Variants in CELF2 observed in about 807,000 individuals in gnomAD.
CELF2 encodes CUG triplet repeat RNA-binding protein 2.
A neutral mutation model predicts 62.6 loss-of-function variants in CELF2; 8 were observed. The observed-to-expected ratio is 0.13, with a 90% CI of 0.07 to 0.23. The LOEUF is 0.23. CELF2 is among the 10% of genes least tolerant of loss of function. CELF2 has a pLI of 1.00. For missense variants in CELF2, 333 were observed against 671.0 expected (o/e 0.50, Z 5.56); for synonymous variants, 258 against 250.0 (o/e 1.03, Z -0.30).
intron 1 of CELF2, among the ~76,000 whole-genome samples, chr10:10,895,245 T>G (rs2062457126): frequency 6.6e-6 from 1 of 152,224 alleles, no homozygotes; most frequent in Admixed American, 6.5e-5. Flanking sequence ...AAGTAAGAAA[T>G]ATTCACCATC....
At chr10:11,228,099 G>A (rs1419324142) in intron 3 of CELF2, among the ~76,000 whole-genome samples, 1 of 152,154 alleles carries the variant, frequency 6.6e-6, no homozygotes, top group East Asian at 1.9e-4. Context: ...TATATGCTTA[G>A]TAAATGTCAG....
intron 1 of CELF2, among the ~76,000 whole-genome samples, chr10:10,865,450 G>T (rs891149427): frequency 1.3e-5 from 2 of 152,162 alleles, no homozygotes; most frequent in Non-Finnish European, 2.9e-5. Context: ...AAGCTAATAT[G>T]CTTCTGATTA....
intron 1 of CELF2, among the ~76,000 whole-genome samples, chr10:11,033,277 TAGACAG>T (rs2060428823): frequency 6.9e-6 from 1 of 145,330 alleles, no homozygotes; most frequent in Non-Finnish European, 1.5e-5. Flanking sequence ...TTTTTTTTTT[TAGACAG>T]TTTTGCTCTT....
At chr10:11,231,711 A>G (rs1307789079) in intron 3 of CELF2, among the ~76,000 whole-genome samples, 22 of 149,860 alleles carry the variant, frequency 1.5e-4, no homozygotes, top group Admixed American at 1.4e-3. Flanking sequence ...TTTTTTCCCA[A>G]AAAGGCAAGA....
At chr10:11,079,741 G>C (rs1173923665) in intron 1 of CELF2, among the ~76,000 whole-genome samples, 7 of 110,698 alleles carry the variant, frequency 6.3e-5, no homozygotes, top group African/African-American at 1.2e-4. Context: ...GACTAATACA[G>C]CCCCCCCCCC....
At chr10:10,815,370 A>G (rs2056354593) in intron 1 of CELF2, among the ~76,000 whole-genome samples, 1 of 149,564 alleles carries the variant, frequency 6.7e-6, no homozygotes, top group Non-Finnish European at 1.5e-5. Flanking sequence ...TATTTATATC[A>G]TTGAAAGAGG....
intron 2 of CELF2, among the ~76,000 whole-genome samples, chr10:10,966,171 G>C (rs2050102639): frequency 6.6e-6 from 1 of 152,192 alleles, no homozygotes; most frequent in African/African-American, 2.4e-5. Context: ...TGCATGTCCA[G>C]GCAGTGTCCA....
At chr10:10,757,852 A>G in the CELF2 span, among the ~76,000 whole-genome samples, 1 of 152,218 alleles carries the variant, frequency 6.6e-6, no homozygotes, top group East Asian at 1.9e-4. Flanking sequence ...AGATGGTTAA[A>G]TTTTATATAG....
intron 1 of CELF2, among the ~76,000 whole-genome samples, chr10:10,864,147 T>C (rs1176145207): frequency 1.3e-5 from 2 of 152,184 alleles, no homozygotes; most frequent in Non-Finnish European, 2.9e-5. Context: ...ATATTACACA[T>C]ATACGTACAT....
the CELF2 span, among the ~76,000 whole-genome samples, chr10:10,626,043 C>A: frequency 2.6e-5 from 4 of 152,064 alleles, no homozygotes; most frequent in African/African-American, 9.7e-5. Flanking sequence ...AAGAATTCTG[C>A]TTTGACCTAG....
intron 3 of CELF2, among the ~76,000 whole-genome samples, chr10:11,226,029 C>G (rs897892620): frequency 6.6e-6 from 1 of 152,126 alleles, no homozygotes; most frequent in Non-Finnish European, 1.5e-5. Context: ...GGGTTGGCCT[C>G]GTGGTGGTGG....
rs993978250 is a variant in CELF2, at chr10:10,983,733, A to G, written c.89+63734A>G. Among the ~76,000 whole-genome samples, 2 of 151,872 alleles carry G rather than the reference A, an allele frequency of 1.3e-5. No individual in the cohort carries two copies. Among genetic ancestry groups the G allele is most frequent in the African/African-American group, 4.8e-5 (2 of 41,314 alleles). On this transcript the variant is annotated intron_variant, in intron 2 of 13. Transcript: ENST00000636488. The surrounding 1 kb of genome is among the most constrained non-coding windows in gnomAD (Gnocchi z 5.2). ...TAGGCACTTGCCACCACGCCTGGCT[A>G]ATTTTTGTATTTTTAGTAAAAACAG...
the CELF2 span, among the ~76,000 whole-genome samples, chr10:10,467,351 C>A: frequency 6.6e-6 from 1 of 151,936 alleles, no homozygotes; most frequent in South Asian, 2.1e-4. Flanking sequence ...TATTCTTTAC[C>A]CCCACTTAAT....
the CELF2 span, among the ~76,000 whole-genome samples, chr10:10,771,424 G>T: frequency 6.6e-6 from 1 of 152,188 alleles, no homozygotes; most frequent in Non-Finnish European, 1.5e-5. Flanking sequence ...ATAAGTGCCT[G>T]GTTGAGTCCC....
At chr10:10,942,775 A>G (rs896207219) in intron 2 of CELF2, among the ~76,000 whole-genome samples, 10 of 152,178 alleles carry the variant, frequency 6.6e-5, no homozygotes, top group African/African-American at 2.4e-4. Context: ...ATGGAGAGTT[A>G]TTTTTGATGC....
chr10:10,566,639 A>G, the CELF2 span, among the ~76,000 whole-genome samples: 2 of 147,506 alleles, frequency 1.4e-5, no homozygotes, highest in Non-Finnish European at 3.0e-5. Flanking sequence ...TCATTGTTCA[A>G]TTCCCACCTA....
At chr10:10,812,634 T>C (rs572477789) in intron 1 of CELF2, among the ~76,000 whole-genome samples, 2 of 152,278 alleles carry the variant, frequency 1.3e-5, no homozygotes, top group Non-Finnish European at 2.9e-5. Context: ...GTTTCATGCT[T>C]TCTAATTTCA....
At chr10:11,222,886 T>C (rs2065300901) in intron 3 of CELF2, among the ~76,000 whole-genome samples, 2 of 152,250 alleles carry the variant, frequency 1.3e-5, no homozygotes, top group African/African-American at 2.4e-5. Context: ...ATACAAATTG[T>C]TTCATAGACA....
At chr10:10,491,392 G>A in the CELF2 span, among the ~76,000 whole-genome samples, 1 of 152,276 alleles carries the variant, frequency 6.6e-6, no homozygotes, top group Non-Finnish European at 1.5e-5. Flanking sequence ...ACTAGAAATA[G>A]TTTTGAATTC....
Sources: allele counts gnomAD v4.1 joint callset (sites outside exome capture counted in the v4.1 genomes callset), GRCh38; gene constraint gnomAD v4.1.1; non-coding constraint Gnocchi (gnomAD v3.1); transcripts MANE v1.5; gene names NCBI Gene and HGNC (gene_info 2026-07-23, HGNC 2026-07-21).